CATSPERB: variants seen among roughly 807,000 people sequenced by gnomAD.
The protein encoded by CATSPERB is catsper channel auxiliary subunit beta, also known as cation channel sperm-associated auxiliary subunit beta.
Under a neutral mutation model 128.3 loss-of-function variants are expected in CATSPERB, and 93 were observed. The ratio of observed to expected loss-of-function variants is 0.72; its 90% CI spans 0.61 to 0.86. CATSPERB has a LOEUF of 0.86. Among genes scored for constraint, CATSPERB ranks in the 40% least tolerant of loss-of-function variants. CATSPERB has a pLI of 0.00. For missense variants in CATSPERB, 1,153 were observed against 1,329.5 expected, an observed-to-expected ratio of 0.87 and a Z score of 2.06; for synonymous variants, 381 against 448.8, an observed-to-expected ratio of 0.85 and a Z score of 1.91.
At chr14:91,712,714 G>C (rs1309073367) in intron 5 of CATSPERB, among the ~76,000 whole-genome samples, 1 of 152,130 alleles carries the variant, frequency 6.6e-6, no homozygotes, top group Non-Finnish European at 1.5e-5. Context: ...AATCAGGGGA[G>C]CCTACTCCAG....
At chr14:91,722,500 G>A (rs960404321) in intron 4 of CATSPERB, among the ~76,000 whole-genome samples, 3 of 152,098 alleles carry the variant, frequency 2.0e-5, no homozygotes, top group African/African-American at 7.2e-5. Context: ...GGGAGTGGAG[G>A]GGGGATTGGG....
intron 5 of CATSPERB, among the ~76,000 whole-genome samples, chr14:91,713,285 GA>G (rs35911352): frequency 0.5 from 74,181 of 148,894 alleles, 19,157 homozygotes; most frequent in Admixed American, 0.58. Flanking sequence ...AACAAACTAG[GA>G]AAAAAAAAAG....
At chr14:91,617,389 T>C (rs1375900116) in intron 20 of CATSPERB, among the ~76,000 whole-genome samples, 1 of 152,200 alleles carries the variant, frequency 6.6e-6, no homozygotes, top group Non-Finnish European at 1.5e-5. Flanking sequence ...TATAAGTAAT[T>C]ACTAAAAATA....
chr14:91,688,916 C>T (rs1017243610), intron 10 of CATSPERB, among the ~76,000 whole-genome samples: 15 of 152,162 alleles, frequency 9.9e-5, no homozygotes, highest in African/African-American at 1.9e-4. Flanking sequence ...TATCCACCAG[C>T]GACTCTAGTT....
chr14:91,660,424 G>A (rs1396079411), intron 14 of CATSPERB, among the ~76,000 whole-genome samples: 2 of 152,162 alleles, frequency 1.3e-5, no homozygotes, highest in African/African-American at 4.8e-5. Context: ...GCATGGAAGA[G>A]CCCCTTGTCA....
chr14:91,622,098 T>C (rs1251648364), intron 18 of CATSPERB, among the ~76,000 whole-genome samples, 161 bp from the exon 19 acceptor site: 1 of 152,226 alleles, frequency 6.6e-6, no homozygotes, highest in African/African-American at 2.4e-5. Flanking sequence ...AATTATTTTA[T>C]AGAAAGTTTA....
At chr14:91,692,162 C>T (rs190856806) in intron 9 of CATSPERB, among the ~76,000 whole-genome samples, 3 of 133,912 alleles carry the variant, frequency 2.2e-5, no homozygotes, top group Admixed American at 1.7e-4. Context: ...GGTAACAGAG[C>T]GAGACTCAGT....
intron 19 of CATSPERB, among the ~76,000 whole-genome samples, chr14:91,620,441 C>A (rs1361949171): frequency 1.3e-5 from 2 of 152,124 alleles, no homozygotes; most frequent in African/African-American, 2.4e-5. Context: ...GTTCCCTTTT[C>A]ATTTCTGGTG....
chr14:91,693,057 T>C (rs1566732981), intron 9 of CATSPERB, 69 bp downstream of exon 9: 3 of 1,092,988 alleles, frequency 2.7e-6, no homozygotes, highest in African/African-American at 3.1e-5. Flanking sequence ...AACTCAAGTA[T>C]TAAATATTTC....
intron 19 of CATSPERB, among the ~76,000 whole-genome samples, 169 bp from the exon 20 acceptor site, chr14:91,617,905 T>G (rs1893974564): frequency 6.6e-6 from 1 of 152,208 alleles, no homozygotes. Context: ...AATAGTTCTG[T>G]TACAGGAAAT....
intron 22 of CATSPERB, among the ~76,000 whole-genome samples, chr14:91,606,219 C>G (rs1472000334): frequency 1.3e-5 from 2 of 151,934 alleles, no homozygotes; most frequent in Admixed American, 1.3e-4. Flanking sequence ...CAGGATGGTA[C>G]CTCATAGTTT....
intron 22 of CATSPERB, among the ~76,000 whole-genome samples, chr14:91,592,920 G>T (rs1472704479): frequency 6.6e-6 from 1 of 152,180 alleles, no homozygotes; most frequent in Non-Finnish European, 1.5e-5. Flanking sequence ...CCGGGCACAG[G>T]GTCCCCATGC....
intron 15 of CATSPERB, among the ~76,000 whole-genome samples, chr14:91,647,191 T>A (rs1451846740): frequency 6.6e-6 from 1 of 152,218 alleles, no homozygotes; most frequent in East Asian, 1.9e-4. Context: ...CTTTTTCTTT[T>A]CCTACTCACT....
intron 15 of CATSPERB, among the ~76,000 whole-genome samples, chr14:91,653,834 G>C (rs1894746516): frequency 6.6e-6 from 1 of 152,152 alleles, no homozygotes; most frequent in African/African-American, 2.4e-5. Context: ...AAAAGGAAAA[G>C]TAAAGGGAAA....
chr14:91,687,722 AG>A (rs1253627127), intron 10 of CATSPERB, among the ~76,000 whole-genome samples: 1 of 152,196 alleles, frequency 6.6e-6, no homozygotes, highest in African/African-American at 2.4e-5. Context: ...TGGGAGGCCA[AG>A]GTGGGTAGAT....
chr14:91,581,123 CAA>C lies in CATSPERB; in HGVS notation c.3133-18_3133-17del, dbSNP rs766045371. 8.1e-6 allele frequency: 13 copies of C among 1,602,904 alleles called. No homozygotes were observed. The highest frequency in any genetic ancestry group is 3.4e-5 in the Admixed American group (2 of 59,334). On this transcript the variant is annotated splice_polypyrimidine_tract_variant and intron_variant, in intron 26 of 26. Transcript: ENST00000256343. The stretch of plus-strand genomic sequence containing the variant: ...CAACATAAATCTGCAACAGAAAAAG[CAA>C]AGTCTTTAAGCTTTCTGAATTTAGC...
chr14:91,682,884 A>G (rs1895307634), intron 11 of CATSPERB, among the ~76,000 whole-genome samples: 1 of 152,194 alleles, frequency 6.6e-6, no homozygotes, highest in Non-Finnish European at 1.5e-5. Flanking sequence ...GGCCTTACAA[A>G]ACTATATGGC....
At chr14:91,695,215 C>T (rs1312886937) in intron 7 of CATSPERB, among the ~76,000 whole-genome samples, 2 of 150,878 alleles carry the variant, frequency 1.3e-5, no homozygotes, top group African/African-American at 2.4e-5. Context: ...CTGCAACCTT[C>T]GCCTCCCAGG....
chr14:91,664,836 C>G (rs1178979474), intron 14 of CATSPERB, among the ~76,000 whole-genome samples: 1 of 152,142 alleles, frequency 6.6e-6, no homozygotes, highest in African/African-American at 2.4e-5. Flanking sequence ...ACCATATAAA[C>G]CCTTTATCTT....
Sources: allele counts gnomAD v4.1 joint callset (sites outside exome capture counted in the v4.1 genomes callset), GRCh38; gene constraint gnomAD v4.1.1; transcripts MANE v1.5; gene names NCBI Gene and HGNC (gene_info 2026-07-23, HGNC 2026-07-21).